Variants in TMEM132D observed in about 807,000 individuals in gnomAD.
TMEM132D encodes the protein mature OL transmembrane protein.
A neutral mutation model predicts 62.3 loss-of-function variants in TMEM132D; 21 were observed. The ratio of observed to expected loss-of-function variants is 0.34; its 90% CI spans 0.24 to 0.49. TMEM132D has a LOEUF of 0.49. Ranked by LOEUF, TMEM132D falls within the 20% of genes least tolerant of loss-of-function variation. The pLI is 0.99. For synonymous variants in TMEM132D, 621 were observed against 575.6 expected, an observed-to-expected ratio of 1.08 and a Z score of -1.13; for missense variants, 1,346 against 1,402.8, an observed-to-expected ratio of 0.96 and a Z score of 0.65.
intron 1 of TMEM132D, among the ~76,000 whole-genome samples, chr12:129,704,678 ATGC>A (rs574435681): frequency 0.019 from 2,920 of 152,278 alleles, 39 homozygotes; most frequent in Admixed American, 0.046. Context: ...CCCCCCAGGG[ATGC>A]CGGGTCATAT....
intron 2 of TMEM132D, among the ~76,000 whole-genome samples, chr12:129,601,716 CACA>C (rs763845455): frequency 0.27 from 41,087 of 151,770 alleles, 6,414 homozygotes; most frequent in Non-Finnish European, 0.35. Context: ...AGTCAGAACA[CACA>C]CATTTATAAA....
chr12:129,378,972 G>C (rs966939347), intron 3 of TMEM132D, among the ~76,000 whole-genome samples: 10 of 152,138 alleles, frequency 6.6e-5, no homozygotes, highest in Admixed American at 2.6e-4. Context: ...CTCAGGAAGG[G>C]GGGGACACTT....
chr12:129,480,158 G>A (rs181397773), intron 3 of TMEM132D, among the ~76,000 whole-genome samples: 22 of 152,316 alleles, frequency 1.4e-4, no homozygotes, highest in East Asian at 1.4e-3. Context: ...TCCAGGCAGC[G>A]GGGAATACCA....
chr12:129,465,734 G>A (rs1292051669), intron 3 of TMEM132D, among the ~76,000 whole-genome samples: 1 of 152,220 alleles, frequency 6.6e-6, no homozygotes, highest in Non-Finnish European at 1.5e-5. Context: ...CCAGGCTGGA[G>A]TGCAGTGGAG....
chr12:129,643,022 T>G (rs1396539623), intron 2 of TMEM132D, among the ~76,000 whole-genome samples: 1 of 149,566 alleles, frequency 6.7e-6, no homozygotes, highest in Non-Finnish European at 1.5e-5. Context: ...CCTCCCAGGT[T>G]CAAGGGATTC....
At chr12:129,494,073 C>A (rs148713923) in intron 3 of TMEM132D, among the ~76,000 whole-genome samples, 2 of 152,138 alleles carry the variant, frequency 1.3e-5, no homozygotes, top group African/African-American at 4.8e-5. Flanking sequence ...TGAGCATCCA[C>A]GAACACACGC....
chr12:129,827,053 A>G lies in TMEM132D; in HGVS notation c.79+76208T>C, dbSNP rs148618852. Among the ~76,000 whole-genome samples, 12 of 152,344 alleles carry G rather than the reference A, an allele frequency of 7.9e-5. No homozygotes were observed. The East Asian group carries it at 2.1e-3, about 27-fold the overall frequency. ...TACACCATAATGAAATATGCAAAATACTAAATTATGAATTGATTTTAGTGA... is the reference window on the plus strand; with the variant it reads ...TACACCATAATGAAATATGCAAAATGCTAAATTATGAATTGATTTTAGTGA... On this transcript the variant is annotated intron_variant, in intron 1 of 8. Transcript: ENST00000422113. The surrounding 1 kb of genome is among the most constrained non-coding windows in gnomAD (Gnocchi z 9.7).
chr12:129,641,696 G>A (rs1879645049), intron 2 of TMEM132D, among the ~76,000 whole-genome samples: 1 of 152,166 alleles, frequency 6.6e-6, no homozygotes, highest in Admixed American at 6.5e-5. Context: ...GAGTGACATG[G>A]AGCCCTGAGA....
intron 2 of TMEM132D, among the ~76,000 whole-genome samples, chr12:129,629,509 T>C (rs555938345): frequency 6.6e-6 from 1 of 152,318 alleles, no homozygotes; most frequent in Admixed American, 6.5e-5. Context: ...AGGAGGCATC[T>C]TCCTTGATCC....
At chr12:129,380,804 A>G (rs1353045007) in intron 3 of TMEM132D, among the ~76,000 whole-genome samples, 1 of 152,172 alleles carries the variant, frequency 6.6e-6, no homozygotes, top group East Asian at 1.9e-4. Context: ...AATGTTACGT[A>G]AGTGGAATTA....
intron 3 of TMEM132D, among the ~76,000 whole-genome samples, chr12:129,390,738 A>T (rs1021361178): frequency 4.6e-5 from 7 of 152,046 alleles, no homozygotes; most frequent in African/African-American, 1.7e-4. Flanking sequence ...TGCCCTGTCC[A>T]TGTCACCTGA....
At chr12:129,335,075 T>A (rs776605566) in intron 4 of TMEM132D, among the ~76,000 whole-genome samples, 4 of 151,738 alleles carry the variant, frequency 2.6e-5, no homozygotes, top group African/African-American at 9.7e-5. Context: ...GTAATCATAA[T>A]ATAGATAACA....
intron 4 of TMEM132D, among the ~76,000 whole-genome samples, chr12:129,299,626 A>AC (rs1390193591): frequency 1.8e-5 from 2 of 110,342 alleles, no homozygotes; most frequent in African/African-American, 7.9e-5. Flanking sequence ...TTGAACAATC[A>AC]GGTTTTTTTT....
At chr12:129,518,759 C>T (rs1256446401) in intron 3 of TMEM132D, among the ~76,000 whole-genome samples, 2 of 151,984 alleles carry the variant, frequency 1.3e-5, no homozygotes, top group Non-Finnish European at 2.9e-5. Context: ...TGTGAAACTG[C>T]TATAGTTATT....
chr12:129,356,733 T>G (rs113624586), intron 3 of TMEM132D, among the ~76,000 whole-genome samples: 1 of 150,026 alleles, frequency 6.7e-6, no homozygotes, highest in Non-Finnish European at 1.5e-5. Flanking sequence ...GGCATGGTGG[T>G]GTGTGCCTGT....
At position 129,569,008 on chromosome 12, in the gene TMEM132D, G is replaced by C. The variant is rs145043838; in HGVS notation, c.969-37803C>G. On this transcript the variant is annotated intron_variant, in intron 2 of 8. Transcript: ENST00000422113. The stretch of plus-strand genomic sequence containing the variant: ...TTCTGAGTTAGCAGGTTTGGGGTGA[G>C]ACAGGAGAATTTGTACATCTAACAA... Among the ~76,000 whole-genome samples the C allele has an allele frequency of 3.6e-3, 551 of 152,260 alleles. 4 individuals are homozygous for C. The highest frequency in any genetic ancestry group is 3.7e-3 in the Non-Finnish European group (253 of 68,018).
intron 4 of TMEM132D, among the ~76,000 whole-genome samples, chr12:129,232,837 G>A (rs1879680090): frequency 6.6e-6 from 1 of 152,104 alleles, no homozygotes; most frequent in Admixed American, 6.5e-5. Flanking sequence ...TAAAGAGAGA[G>A]AGAGAGAGAG....
intron 2 of TMEM132D, among the ~76,000 whole-genome samples, chr12:129,638,095 C>T (rs905980685): frequency 8.5e-5 from 13 of 152,278 alleles, no homozygotes; most frequent in East Asian, 1.9e-4. Context: ...ACAAATCAGC[C>T]GTCCAGCCAG....
intron 2 of TMEM132D, among the ~76,000 whole-genome samples, chr12:129,563,005 A>G (rs913181041): frequency 2.0e-5 from 3 of 152,214 alleles, no homozygotes; most frequent in Non-Finnish European, 4.4e-5. Flanking sequence ...AATTTATCAC[A>G]GGAAACAGCA....
Sources: allele counts gnomAD v4.1 joint callset (sites outside exome capture counted in the v4.1 genomes callset), GRCh38; gene constraint gnomAD v4.1.1; non-coding constraint Gnocchi (gnomAD v3.1); transcripts MANE v1.5; gene names NCBI Gene and HGNC (gene_info 2026-07-23, HGNC 2026-07-21).